Variants in CACUL1 observed in about 807,000 individuals in gnomAD.
CACUL1 encodes CDK2-associated and cullin domain-containing protein 1.
CACUL1 carries 13 observed loss-of-function variants against 45.2 expected under a neutral mutation model. The observed-to-expected ratio is 0.29, with a 90% CI of 0.19 to 0.46. The LOEUF (loss-of-function observed/expected upper bound fraction) is 0.46. CACUL1 is among the 20% of genes least tolerant of loss of function. The pLI is 1.00. For synonymous variants in CACUL1, 197 were observed against 174.2 expected (o/e 1.13, Z -1.03); for missense variants, 421 against 471.4 (o/e 0.89, Z 0.99).
rs758930342 is a variant in CACUL1 at position 118,686,168 on chromosome 10, T to C, written c.1070A>G (p.Asn357Ser). Residue 357 changes from asparagine to serine, a missense_variant and splice_region_variant, in exon 9 of 9, where the codon AAT becomes AGT. Physicochemically the swap from Asn to Ser is conservative, Grantham distance 46. This residue lies in a region of CACUL1 where 208 missense variants were observed against 298.4 expected (regional missense o/e 0.70). Transcript: ENST00000369151. ...GGAACTTGCACATGCTGACGAGCTA[T>C]CTGAAAAAACATCAGAATAGGAAAA... ...RKRAGDELAY[N>S]SSSACASSRG... 1.9e-6 allele frequency: 3 copies of C among 1,612,040 alleles called. No individual in the cohort carries two copies. Among genetic ancestry groups the C allele is most frequent in the Non-Finnish European group, 1.7e-6 (2 of 1,178,232 alleles).
At chr10:118,698,534 C>G (rs1845345832) in intron 5 of CACUL1, among the ~76,000 whole-genome samples, 1 of 152,176 alleles carries the variant, frequency 6.6e-6, no homozygotes, top group Admixed American at 6.5e-5. Context: ...AAAAGTGGCA[C>G]TGTGCCAGTT....
chr10:118,751,167 G>C (rs767717313), intron 1 of CACUL1, among the ~76,000 whole-genome samples: 1 of 152,096 alleles, frequency 6.6e-6, no homozygotes, highest in Non-Finnish European at 1.5e-5. Flanking sequence ...CCCTTGTCTA[G>C]TCAGATCATC....
chr10:118,748,152 T>G (rs1845862308), intron 1 of CACUL1, among the ~76,000 whole-genome samples: 2 of 152,122 alleles, frequency 1.3e-5, no homozygotes, highest in Non-Finnish European at 1.5e-5. Context: ...TTCTCTTGGT[T>G]GTTGTGGTGG....
rs888706494 is a variant in CACUL1 at position 118,683,311 on chromosome 10, T to G, written c.*2817A>C. 1.3e-5 allele frequency: 2 copies of G among 150,060 alleles called. No individual in the cohort carries two copies. The highest frequency in any genetic ancestry group is 4.9e-5 in the African/African-American group (2 of 40,512). 9.3% of individuals were successfully genotyped at this position (150,060 alleles called of 1,614,324 possible). A position where few individuals can be genotyped will look rare whatever the true frequency, so the allele number is the denominator to read the frequency against. On this transcript the variant is annotated 3_prime_UTR_variant, in exon 9 of 9. Transcript: ENST00000369151. Reference sequence around the variant, plus strand: ...ATGTACGGTTTTGTATCTTCAATGATTTGGGCCTTTAGTGATGTGGTACAA... The same window carrying G: ...ATGTACGGTTTTGTATCTTCAATGAGTTGGGCCTTTAGTGATGTGGTACAA...
At chr10:118,717,518 T>C (rs1845558402) in intron 3 of CACUL1, among the ~76,000 whole-genome samples, 1 of 152,122 alleles carries the variant, frequency 6.6e-6, no homozygotes, top group South Asian at 2.1e-4. Flanking sequence ...AAAATAATCA[T>C]AATTTTTCGA....
In CACUL1 at chr10:118,754,909, G is replaced by A. The variant is rs977622031; in HGVS notation, c.-147C>T. The A allele has an allele frequency of 3.5e-6, 4 of 1,150,304 alleles. No homozygotes were observed. In the African/African-American group the frequency reaches 6.5e-5, roughly 19 times the overall value. The allele number at this position is 1,150,304 out of a possible 1,614,324, so 71.3% of individuals were successfully genotyped here. ...AGGGCTGCGGTGCGCAGGGTCTCTC[G>A]CTCTCCGCGGGGCCGACTAGCTTGA... On this transcript the variant is annotated 5_prime_UTR_variant, in exon 1 of 9. Transcript: ENST00000369151.
chr10:118,714,035 T>C (rs1485885426), intron 3 of CACUL1, among the ~76,000 whole-genome samples: 1 of 152,224 alleles, frequency 6.6e-6, no homozygotes, highest in Non-Finnish European at 1.5e-5. Flanking sequence ...CTTATTTTTA[T>C]AAAAAATAAC....
chr10:118,695,108 G>C, intron 6 of CACUL1, 33 bp downstream of exon 6: 1 of 1,261,378 alleles, frequency 7.9e-7, no homozygotes, highest in Non-Finnish European at 1.2e-6. Context: ...GTAACAAACA[G>C]TTCCAATCCC....
At chr10:118,718,767 T>G (rs12413102) in intron 3 of CACUL1, among the ~76,000 whole-genome samples, 22,175 of 151,556 alleles carry the variant, frequency 0.15, 1,858 homozygotes, top group Admixed American at 0.27. Context: ...TAGAGACGGG[T>G]TTTCACCGTG....
At position 118,681,603 on chromosome 10, in the gene CACUL1, T is replaced by C. The variant is rs1845153451; in HGVS notation, c.*4525A>G. 6.6e-6 allele frequency: 1 copy of C among 152,244 alleles called. No homozygotes were observed. Among genetic ancestry groups the C allele is most frequent in the Non-Finnish European group, 1.5e-5 (1 of 68,048 alleles). 9.4% of individuals were successfully genotyped at this position (152,244 alleles called of 1,614,324 possible). On this transcript the variant is annotated 3_prime_UTR_variant, in exon 9 of 9. Transcript: ENST00000369151. Reference sequence around the variant, plus strand: ...CAGAATTGTAAGCCATTAACATTTTTCTAAACAATGCAGTCCAGAGATGAA... The same window carrying C: ...CAGAATTGTAAGCCATTAACATTTTCCTAAACAATGCAGTCCAGAGATGAA...
chr10:118,723,576 T>A (rs1057048078), intron 3 of CACUL1, among the ~76,000 whole-genome samples: 1 of 152,210 alleles, frequency 6.6e-6, no homozygotes, highest in African/African-American at 2.4e-5. Flanking sequence ...TTCTCCCAAT[T>A]CTTGCCTAAA....
In CACUL1 at chr10:118,754,492, A is replaced by G; in HGVS notation, c.271T>C (p.Leu91=). Residue 91 remains leucine, a synonymous_variant, in exon 1 of 9, where the codon TTG becomes CTG. Transcript: ENST00000369151. ...PPEANGVIMM[L]KSCDAAAAVA... ...GCGGCGGCCGCGTCGCAGCTCTTCA[A>G]CATCATGATCACCCCATTAGCCTCC... is the stretch of plus-strand genomic sequence containing the variant. 1 of 1,613,034 alleles carries G rather than the reference A, an allele frequency of 6.2e-7. No homozygotes were observed. The highest frequency in any genetic ancestry group is 1.1e-5 in the South Asian group (1 of 91,010).
chr10:118,723,534 T>C (rs1845621249), intron 3 of CACUL1, among the ~76,000 whole-genome samples: 1 of 152,212 alleles, frequency 6.6e-6, no homozygotes, highest in South Asian at 2.1e-4. Flanking sequence ...TGAAAAACAC[T>C]TTTATTTGTG....
chr10:118,713,883 TAAC>T (rs1232820203), intron 3 of CACUL1, among the ~76,000 whole-genome samples: 8 of 152,230 alleles, frequency 5.3e-5, no homozygotes, highest in Non-Finnish European at 8.8e-5. Context: ...TTTACATTTC[TAAC>T]AACAACTCAA....
intron 7 of CACUL1, among the ~76,000 whole-genome samples, chr10:118,687,383 A>C (rs138386380): frequency 1.1e-3 from 171 of 152,260 alleles, no homozygotes; most frequent in Non-Finnish European, 2.2e-3. Flanking sequence ...TGCTGACTCC[A>C]ATCCATCCCC....
At chr10:118,707,726 G>T in intron 3 of CACUL1, 139 bp from the exon 4 acceptor site, 1 of 533,560 alleles carries the variant, frequency 1.9e-6, no homozygotes, top group South Asian at 2.7e-5. Context: ...AGGAAGACAC[G>T]TACACTCTGA....
chr10:118,728,012 T>G (rs1845666828), intron 3 of CACUL1, among the ~76,000 whole-genome samples: 1 of 152,178 alleles, frequency 6.6e-6, no homozygotes, highest in Non-Finnish European at 1.5e-5. Flanking sequence ...AATAAAGATT[T>G]TATAGTTAGC....
intron 4 of CACUL1, among the ~76,000 whole-genome samples, chr10:118,706,682 T>A (rs890992108): frequency 1.3e-5 from 2 of 152,218 alleles, no homozygotes; most frequent in Non-Finnish European, 2.9e-5. Context: ...TGGCATTACA[T>A]TGACTAGAAA....
In CACUL1 at chr10:118,678,610, GT is replaced by G. The variant is rs1447155169; in HGVS notation, c.*7517del. Reference sequence around the variant, plus strand: ...CCTTATATTCTCTACACTTATTTAGGTCCATTAAGTTTTTTTTTTATCATTT... The same window carrying G: ...CCTTATATTCTCTACACTTATTTAGGCCATTAAGTTTTTTTTTTATCATTT... On this transcript the variant is annotated 3_prime_UTR_variant, in exon 9 of 9. Transcript: ENST00000369151. 6.8e-6 allele frequency: 1 copy of G among 147,758 alleles called. No individual in the cohort carries two copies. The highest frequency in any genetic ancestry group is 2.6e-5 in the African/African-American group (1 of 38,950). The allele number at this position is 147,758 out of a possible 1,614,324, so 9.2% of individuals were successfully genotyped here. A position where few individuals can be genotyped will look rare whatever the true frequency, so the allele number is the denominator to read the frequency against.
Sources: allele counts gnomAD v4.1 joint callset (sites outside exome capture counted in the v4.1 genomes callset), GRCh38; gene constraint gnomAD v4.1.1; regional missense constraint gnomAD v4.1.1; transcripts MANE v1.5; gene names NCBI Gene and HGNC (gene_info 2026-07-23, HGNC 2026-07-21).